The following DCC variants were observed in gnomAD, a reference collection of about 807,000 sequenced individuals.
DCC encodes the protein netrin receptor DCC.
A neutral mutation model predicts 172.5 loss-of-function variants in DCC; 58 were observed. That is an observed-to-expected ratio of 0.34 (90% CI 0.27 to 0.42). The LOEUF (loss-of-function observed/expected upper bound fraction) is 0.42, where lower values mean the gene tolerates loss of function less well. Among genes scored for constraint, DCC ranks in the 10% least tolerant of loss-of-function variants. The pLI is 1.00. For synonymous variants in DCC, 709 were observed against 644.5 expected, an observed-to-expected ratio of 1.10 and a Z score of -1.52; for missense variants, 1,740 against 1,791.0, an observed-to-expected ratio of 0.97 and a Z score of 0.51.
At chr18:53,144,018 A>G (rs2043868863) in intron 7 of DCC, among the ~76,000 whole-genome samples, 1 of 152,218 alleles carries the variant, frequency 6.6e-6, no homozygotes, top group Non-Finnish European at 1.5e-5. Context: ...TAGAATATTC[A>G]AAGATATTGA....
In DCC at chr18:52,735,815, C is replaced by T. The variant is rs113795555; in HGVS notation, c.92-16239C>T. ...AAATGTTAATCTCCTTGGGCAACAA[C>T]CTTACAGATGAACCAGGAACAATAC... is the stretch of plus-strand genomic sequence containing the variant. On this transcript the variant is annotated intron_variant, in intron 1 of 28. Transcript: ENST00000442544. Among the ~76,000 whole-genome samples the T allele has an allele frequency of 8.6e-3, 1,306 of 152,180 alleles. 13 individuals carry two copies. The highest frequency in any genetic ancestry group is 0.017 in the Middle Eastern group (5 of 294).
At chr18:52,522,185 T>C (rs755719148) in intron 1 of DCC, among the ~76,000 whole-genome samples, 19 of 152,224 alleles carry the variant, frequency 1.2e-4, no homozygotes, top group Non-Finnish European at 2.1e-4. Context: ...TATCTACAGA[T>C]ACATCCATGG....
intron 12 of DCC, among the ~76,000 whole-genome samples, chr18:53,231,188 A>T (rs1568380036): frequency 6.6e-6 from 1 of 152,050 alleles, no homozygotes; most frequent in African/African-American, 2.4e-5. Flanking sequence ...AGGAACTGAC[A>T]TTGATGGGAA....
chr18:53,177,348 T>A (rs868088523), intron 8 of DCC, among the ~76,000 whole-genome samples: 7 of 151,588 alleles, frequency 4.6e-5, no homozygotes, highest in South Asian at 2.1e-4. Context: ...AAGAAAAAAA[T>A]TATTTACTTA....
intron 9 of DCC, among the ~76,000 whole-genome samples, chr18:53,204,702 T>C (rs2055598078): frequency 6.6e-6 from 1 of 152,194 alleles, no homozygotes; most frequent in South Asian, 2.1e-4. Flanking sequence ...TAAAATTCAT[T>C]TAATGAACCC....
At chr18:52,885,957 T>C (rs2039563497) in intron 2 of DCC, among the ~76,000 whole-genome samples, 1 of 151,954 alleles carries the variant, frequency 6.6e-6, no homozygotes, top group South Asian at 2.1e-4. Flanking sequence ...ATTTTTGAGA[T>C]AGGCCCCAGA....
intron 1 of DCC, among the ~76,000 whole-genome samples, chr18:52,473,082 A>G (rs1017741762): frequency 6.6e-6 from 1 of 152,184 alleles, no homozygotes; most frequent in Non-Finnish European, 1.5e-5. Context: ...TTGTTTTCAA[A>G]ATCACCTGTT....
chr18:52,655,829 A>C (rs1022992445), intron 1 of DCC, among the ~76,000 whole-genome samples: 2 of 151,842 alleles, frequency 1.3e-5, no homozygotes, highest in Non-Finnish European at 2.9e-5. Flanking sequence ...AGGTTACCAT[A>C]ATGTGCTTTT....
chr18:52,831,506 G>A lies in DCC; in HGVS notation c.413-74538G>A, dbSNP rs903792580. On this transcript the variant is annotated intron_variant, in intron 2 of 28. Coordinates refer to ENST00000442544, the MANE Select transcript of DCC (RefSeq NM_005215.4). ...GGCTCAGAGAAGGGTGATGGCAGCC[G>A]AAGTGTTGAGACGTGGTAACAGTTA... Among the ~76,000 whole-genome samples, 8 of 152,210 alleles carry A rather than the reference G, an allele frequency of 5.3e-5. No individual in the cohort carries two copies. In the East Asian group the frequency reaches 5.8e-4, roughly 11 times the overall value.
At chr18:52,665,226 A>T (rs1410571837) in intron 1 of DCC, among the ~76,000 whole-genome samples, 1 of 152,184 alleles carries the variant, frequency 6.6e-6, no homozygotes, top group Non-Finnish European at 1.5e-5. Context: ...TTTCTAACAC[A>T]ATCAAAGAGC....
At chr18:52,396,801 A>G (rs937912536) in intron 1 of DCC, among the ~76,000 whole-genome samples, 4 of 152,078 alleles carry the variant, frequency 2.6e-5, no homozygotes, top group African/African-American at 9.6e-5. Context: ...CAATTTAATG[A>G]ATAGTAACTA....
chr18:52,750,629 A>G (rs992758875), intron 1 of DCC, among the ~76,000 whole-genome samples: 1 of 152,230 alleles, frequency 6.6e-6, no homozygotes. Flanking sequence ...AAAATTGAGT[A>G]TGCAGGAACG....
chr18:53,364,511 T>C (rs2057980836), intron 15 of DCC, among the ~76,000 whole-genome samples: 1 of 152,082 alleles, frequency 6.6e-6, no homozygotes. Context: ...TCTGGCACTA[T>C]ATTCACCATA....
At chr18:52,616,130 A>C (rs2034377024) in intron 1 of DCC, among the ~76,000 whole-genome samples, 1 of 152,212 alleles carries the variant, frequency 6.6e-6, no homozygotes, top group Non-Finnish European at 1.5e-5. Flanking sequence ...TATTAGTAAT[A>C]ACTAAACTCT....
chr18:52,430,850 C>T (rs1987597537), intron 1 of DCC, among the ~76,000 whole-genome samples: 1 of 152,086 alleles, frequency 6.6e-6, no homozygotes, highest in South Asian at 2.1e-4. Flanking sequence ...TTCCAGGCAG[C>T]ACCTAAAAGC....
chr18:53,036,819 G>A (rs1399307870), intron 5 of DCC, among the ~76,000 whole-genome samples: 1 of 151,980 alleles, frequency 6.6e-6, no homozygotes, highest in Non-Finnish European at 1.5e-5. Flanking sequence ...GAACACATCT[G>A]TTTGCAAAAT....
At chr18:52,429,891 G>T (rs935166939) in intron 1 of DCC, among the ~76,000 whole-genome samples, 11 of 152,092 alleles carry the variant, frequency 7.2e-5, no homozygotes, top group Non-Finnish European at 1.6e-4. Flanking sequence ...GTCAAGAGGT[G>T]GGTAAGGTAT....
At chr18:52,530,428 C>T (rs899383702) in intron 1 of DCC, among the ~76,000 whole-genome samples, 3 of 152,200 alleles carry the variant, frequency 2.0e-5, no homozygotes, top group Non-Finnish European at 4.4e-5. Context: ...TTTCAAGTTG[C>T]AATGACTTTG....
intron 5 of DCC, among the ~76,000 whole-genome samples, chr18:53,051,997 CT>C (rs199802632): frequency 5.3e-5 from 8 of 151,170 alleles, no homozygotes; most frequent in African/African-American, 7.3e-5. Context: ...TCTTTGTACT[CT>C]TTTTTTTTGT....
Sources: allele counts gnomAD v4.1 joint callset (sites outside exome capture counted in the v4.1 genomes callset), GRCh38; gene constraint gnomAD v4.1.1; transcripts MANE v1.5; gene names NCBI Gene and HGNC (gene_info 2026-07-23, HGNC 2026-07-21).